The following PI4KA variants were observed in gnomAD, a reference collection of about 807,000 sequenced individuals.
PI4KA encodes the protein PI4-kinase alpha.
A neutral mutation model predicts 271.4 loss-of-function variants in PI4KA; 122 were observed. That is an observed-to-expected ratio of 0.45 (90% confidence interval 0.39 to 0.52). PI4KA has a LOEUF of 0.52. Ranked by LOEUF, PI4KA falls within the 20% of genes least tolerant of loss-of-function variation. PI4KA has a pLI of 0.00. For synonymous variants in PI4KA, 1,041 were observed against 1,078.8 expected, an observed-to-expected ratio of 0.96 and a Z score of 0.69; for missense variants, 1,969 against 2,769.1, an observed-to-expected ratio of 0.71 and a Z score of 6.48.
At chr22:20,846,865 G>A (rs1416375176) in intron 1 of PI4KA, among the ~76,000 whole-genome samples, 2 of 149,084 alleles carry the variant, frequency 1.3e-5, no homozygotes, top group Admixed American at 1.3e-4. Context: ...AAAGGGTGGG[G>A]GGCCAGGTGC....
chr22:20,807,920 A>G (rs1312116441), intron 9 of PI4KA, among the ~76,000 whole-genome samples: 3 of 152,156 alleles, frequency 2.0e-5, no homozygotes, highest in African/African-American at 7.2e-5. Context: ...ATTCTTTAGG[A>G]ATCTATTTGA....
chr22:20,789,518 T>C (rs1934496179), intron 19 of PI4KA, among the ~76,000 whole-genome samples: 1 of 152,154 alleles, frequency 6.6e-6, no homozygotes, highest in African/African-American at 2.4e-5. Context: ...TTAGCAGAGA[T>C]GAGGTTTCAC....
At chr22:20,719,442 C>T (rs997501922) in intron 43 of PI4KA, among the ~76,000 whole-genome samples, 3 of 151,978 alleles carry the variant, frequency 2.0e-5, no homozygotes, top group African/African-American at 4.8e-5. Context: ...TTAAAGTATC[C>T]TTTGTGATGA....
At chr22:20,789,340 A>AT (rs61116685) in intron 19 of PI4KA, among the ~76,000 whole-genome samples, 1 of 151,888 alleles carries the variant, frequency 6.6e-6, no homozygotes, top group Admixed American at 6.6e-5. Flanking sequence ...CATTTATTTT[A>AT]TTTTTTTGAG....
At chr22:20,760,982 T>C (rs1472421421) in intron 23 of PI4KA, among the ~76,000 whole-genome samples, 1 of 152,212 alleles carries the variant, frequency 6.6e-6, no homozygotes, top group Non-Finnish European at 1.5e-5. Flanking sequence ...TTAAAAACCA[T>C]GACTGCTCTC....
chr22:20,710,619 G>C, intron 52 of PI4KA, 80 bp downstream of exon 52: 1 of 1,360,616 alleles, frequency 7.3e-7, no homozygotes. Context: ...TCTGGAACCG[G>C]ATTCCCTTCA....
At chr22:20,790,135 C>A (rs574708510) in intron 19 of PI4KA, among the ~76,000 whole-genome samples, 208 of 152,192 alleles carry the variant, frequency 1.4e-3, no homozygotes, top group Middle Eastern at 3.4e-3. Flanking sequence ...CACAAAGTTG[C>A]GGTACAAAGA....
chr22:20,850,536 C>A (rs2073773574), intron 1 of PI4KA, among the ~76,000 whole-genome samples: 1 of 151,956 alleles, frequency 6.6e-6, no homozygotes, highest in Admixed American at 6.6e-5. Context: ...CTCCGCCTCC[C>A]AGGTTCATGC....
chr22:20,711,038 G>C (rs1037899198), intron 51 of PI4KA, 180 bp from the exon 52 acceptor site: 24 of 620,202 alleles, frequency 3.9e-5, no homozygotes, highest in Non-Finnish European at 6.4e-5. Flanking sequence ...GGCAGAGAAA[G>C]AGAAGGGAGG....
At chr22:20,801,283 G>A (rs548482739) in intron 14 of PI4KA, among the ~76,000 whole-genome samples, 2 of 151,936 alleles carry the variant, frequency 1.3e-5, no homozygotes, top group African/African-American at 4.8e-5. Context: ...TCAGAAACAA[G>A]CTTTAAAAAA....
intron 43 of PI4KA, among the ~76,000 whole-genome samples, 160 bp from the exon 44 acceptor site, chr22:20,718,982 G>A (rs1926369773): frequency 6.6e-6 from 1 of 152,232 alleles, no homozygotes; most frequent in Admixed American, 6.5e-5. Flanking sequence ...TTGCTGTGTT[G>A]ACACAGCTGA....
chr22:20,810,351 C>T (rs1173170504), intron 9 of PI4KA, among the ~76,000 whole-genome samples: 82 of 151,840 alleles, frequency 5.4e-4, no homozygotes, highest in Admixed American at 5.4e-3. Flanking sequence ...CTAAAAAATA[C>T]AAAAAAAGTT....
intron 3 of PI4KA, among the ~76,000 whole-genome samples, chr22:20,827,597 G>C (rs143918650): frequency 1.3e-5 from 2 of 152,170 alleles, no homozygotes; most frequent in East Asian, 3.9e-4. Flanking sequence ...AATGTCATTG[G>C]TAGTTTGATA....
In PI4KA at chr22:20,707,947, C is replaced by T; in HGVS notation, c.*100G>A. On this transcript the variant is annotated 3_prime_UTR_variant, in exon 55 of 55. Coordinates refer to ENST00000255882, the MANE Select transcript of PI4KA (RefSeq NM_058004.4). ...AGGTTCTTTGGGCCACAGGCCTCTC[C>T]TCCACTGCATGTGGCGGCAGGGCAG... The T allele has an allele frequency of 1.9e-6, 2 of 1,070,594 alleles. No individual in the cohort carries two copies. The highest frequency in any genetic ancestry group is 2.5e-5 in the South Asian group (2 of 80,186). 66.3% of individuals were successfully genotyped at this position (1,070,594 alleles called of 1,614,324 possible).
In PI4KA at chr22:20,822,791, G is replaced by A. The variant is rs1284023296; in HGVS notation, c.456+1535C>T. Among the ~76,000 whole-genome samples the A allele has an allele frequency of 9.2e-5, 14 of 152,182 alleles. No individual in the cohort carries two copies. The South Asian group carries it at 1.2e-3, about 14-fold the overall frequency. On this transcript the variant is annotated intron_variant, in intron 4 of 54. Coordinates refer to ENST00000255882, the MANE Select transcript of PI4KA (RefSeq NM_058004.4). Reference sequence around the variant, plus strand: ...TCAACCATTCTTCTTAGAAAACCCAGGCAAAGAAAAAATGAAGTTGGTGTG... The same window carrying A: ...TCAACCATTCTTCTTAGAAAACCCAAGCAAAGAAAAAATGAAGTTGGTGTG...
chr22:20,732,082 G>A (rs548428952), intron 36 of PI4KA, among the ~76,000 whole-genome samples: 2 of 152,112 alleles, frequency 1.3e-5, no homozygotes, highest in South Asian at 2.1e-4. Context: ...GCTGAGGCAG[G>A]AGAATGGCAC....
At chr22:20,802,692 C>T (rs186313566) in intron 13 of PI4KA, among the ~76,000 whole-genome samples, 20 of 152,280 alleles carry the variant, frequency 1.3e-4, no homozygotes, top group African/African-American at 4.8e-4. Context: ...AGCGCCATCA[C>T]GCCTGGCTAA....
At chr22:20,781,971 G>A (rs73162810) in intron 19 of PI4KA, among the ~76,000 whole-genome samples, 10,432 of 152,312 alleles carry the variant, frequency 0.068, 346 homozygotes, top group East Asian at 0.079. Context: ...CAAGAGCTCA[G>A]CGAATTTGAG....
chr22:20,858,520 C>T lies in PI4KA; in HGVS notation c.156+50G>A, dbSNP rs1055065393. On this transcript the variant is annotated intron_variant, in intron 1 of 54. Coordinates refer to ENST00000255882, the MANE Select transcript of PI4KA (RefSeq NM_058004.4). ...CCCTCGTCCCGCCTCCACGCTTCGTCACCCCAGCCCCTCCTCCTGTCAGCC... is the reference window on the plus strand; with the variant it reads ...CCCTCGTCCCGCCTCCACGCTTCGTTACCCCAGCCCCTCCTCCTGTCAGCC... 2.4e-6 allele frequency: 3 copies of T among 1,254,954 alleles called. No homozygotes were observed. The African/African-American group carries it at 4.7e-5, about 19-fold the overall frequency. 77.7% of individuals were successfully genotyped at this position (1,254,954 alleles called of 1,614,324 possible).
Sources: gnomAD v4.1 joint callset for allele counts (sites outside exome capture counted in the v4.1 genomes callset) on GRCh38, gnomAD v4.1.1 for gene constraint, MANE v1.5 for transcripts, NCBI Gene and HGNC (gene_info 2026-07-23, HGNC 2026-07-21) for gene names.